TMT1A: variants seen among roughly 807,000 people sequenced by gnomAD.
TMT1A encodes the protein thiol methyltransferase 1A.
chr12:50,929,827 G>A, the TMT1A span: 1 of 1,260,840 alleles, frequency 7.9e-7, no homozygotes, highest in Non-Finnish European at 1.1e-6. Flanking sequence ...TTGCAAGGCA[G>A]TGCCAGAGAA....
the TMT1A span, chr12:50,931,041 T>G: frequency 6.6e-6 from 1 of 151,926 alleles, no homozygotes; most frequent in African/African-American, 2.4e-5. Flanking sequence ...GCATCTACCA[T>G]TATCCCCAAA....
chr12:50,926,402 C>T, the TMT1A span, among the ~76,000 whole-genome samples: 1 of 152,142 alleles, frequency 6.6e-6, no homozygotes, highest in African/African-American at 2.4e-5. Flanking sequence ...AAGAGGTACC[C>T]TCTTTGGGTG....
chr12:50,929,065 C>T, the TMT1A span, among the ~76,000 whole-genome samples: 1 of 151,234 alleles, frequency 6.6e-6, no homozygotes, highest in African/African-American at 2.5e-5. Context: ...CGGCGAAACT[C>T]TGTCTCTATA....
the TMT1A span, chr12:50,931,858 C>T: frequency 1.3e-5 from 2 of 152,058 alleles, no homozygotes; most frequent in Non-Finnish European, 2.9e-5. Flanking sequence ...AGACAGTGCA[C>T]CTGGCCGAAA....
chr12:50,927,106 A>AC, the TMT1A span, among the ~76,000 whole-genome samples: 2 of 152,054 alleles, frequency 1.3e-5, no homozygotes, highest in Admixed American at 6.5e-5. Flanking sequence ...TGCAGCCTTG[A>AC]CCTGCTGGAC....
chr12:50,928,034 G>A, the TMT1A span, among the ~76,000 whole-genome samples: 10 of 152,038 alleles, frequency 6.6e-5, no homozygotes, highest in South Asian at 2.1e-4. Flanking sequence ...CATGTTGGCC[G>A]GGCTGGTGTC....
chr12:50,925,640 C>A, the TMT1A span: 1 of 1,313,934 alleles, frequency 7.6e-7, no homozygotes, highest in South Asian at 1.6e-5. Context: ...AAAAAGTAAA[C>A]TACTAGAAAA....
At chr12:50,928,647 T>C in the TMT1A span, among the ~76,000 whole-genome samples, 6 of 152,228 alleles carry the variant, frequency 3.9e-5, no homozygotes, top group Non-Finnish European at 8.8e-5. Flanking sequence ...CCTTCCCTAC[T>C]GTCTGCCTAA....
At chr12:50,929,961 T>C in the TMT1A span, 1 of 1,614,150 alleles carries the variant, frequency 6.2e-7, no homozygotes, top group South Asian at 1.1e-5. Flanking sequence ...AGTGTTCGAC[T>C]TGGAATTACT....
At chr12:50,930,266 T>G in the TMT1A span, 2 of 836,000 alleles carry the variant, frequency 2.4e-6, no homozygotes, top group South Asian at 4.2e-5. Flanking sequence ...TTTTTTGGTT[T>G]GTTGTTGGTT....
the TMT1A span, chr12:50,925,188 G>C: frequency 1.9e-6 from 3 of 1,614,224 alleles, no homozygotes; most frequent in South Asian, 3.3e-5. Flanking sequence ...ACAACGAACA[G>C]ATGGCAAGCA....
chr12:50,929,921 C>T, the TMT1A span: 2 of 1,594,940 alleles, frequency 1.3e-6, no homozygotes, highest in Non-Finnish European at 8.6e-7. Flanking sequence ...CAGGGAGGGG[C>T]TTTCTATTTC....
At chr12:50,925,308 T>G in the TMT1A span, 1 of 1,614,234 alleles carries the variant, frequency 6.2e-7, no homozygotes, top group Admixed American at 1.7e-5. Flanking sequence ...TCTACCCACC[T>G]GGGTGCAGGG....
the TMT1A span, chr12:50,929,796 C>A: frequency 3.5e-6 from 3 of 861,686 alleles, no homozygotes; most frequent in Non-Finnish European, 5.4e-6. Context: ...CTGCTCAGAA[C>A]TCTACGGTTC....
chr12:50,925,257 C>A, the TMT1A span: 7 of 1,614,204 alleles, frequency 4.3e-6, no homozygotes, highest in Middle Eastern at 1.7e-4. Context: ...GGAAACTCTC[C>A]CTGCTGGAAG....
the TMT1A span, chr12:50,931,958 A>T: frequency 6.6e-6 from 1 of 152,208 alleles, no homozygotes; most frequent in African/African-American, 2.4e-5. Context: ...CAAGGTTGCC[A>T]CACCTAGTTC....
the TMT1A span, among the ~76,000 whole-genome samples, chr12:50,928,415 CA>C: frequency 1.3e-5 from 2 of 152,166 alleles, no homozygotes; most frequent in Admixed American, 1.3e-4. Flanking sequence ...GTCCTGAAAA[CA>C]GGTTGCTGGT....
At chr12:50,929,278 T>C in the TMT1A span, among the ~76,000 whole-genome samples, 1 of 152,134 alleles carries the variant, frequency 6.6e-6, no homozygotes, top group Non-Finnish European at 1.5e-5. Context: ...TTCCAATTTT[T>C]CTATTCGTAA....
chr12:50,926,016 C>CAAA, the TMT1A span, among the ~76,000 whole-genome samples: 189 of 26,020 alleles, frequency 7.3e-3, 14 homozygotes, highest in Middle Eastern at 0.024. Context: ...AACTCCATCT[C>CAAA]AAAAAAAAAA....
Sources: allele counts gnomAD v4.1 joint callset (sites outside exome capture counted in the v4.1 genomes callset), GRCh38; gene constraint gnomAD v4.1.1; transcripts MANE v1.5; gene names NCBI Gene and HGNC (gene_info 2026-07-23, HGNC 2026-07-21).